SORCS2: variants seen among roughly 807,000 people sequenced by gnomAD.
SORCS2 encodes sortilin related VPS10 domain containing receptor 2, also known as VPS10 domain-containing receptor SorCS2.
A neutral mutation model predicts 141.6 loss-of-function variants in SORCS2; 100 were observed. That is an observed-to-expected ratio of 0.71 (90% CI 0.60 to 0.83). SORCS2 has a LOEUF of 0.83. SORCS2 is among the 40% of genes least tolerant of loss of function. SORCS2 has a pLI of 0.00. For missense variants in SORCS2, 1,646 were observed against 1,560.2 expected (o/e 1.05, Z -0.93); for synonymous variants, 789 against 676.9 (o/e 1.17, Z -2.57).
At chr4:7,423,389 C>G (rs1726218404) in intron 2 of SORCS2, among the ~76,000 whole-genome samples, 1 of 152,186 alleles carries the variant, frequency 6.6e-6, no homozygotes, top group Non-Finnish European at 1.5e-5. Context: ...GTGCCTAGAG[C>G]TCTCCTGTGG....
chr4:7,253,066 C>A (rs1404399304), intron 1 of SORCS2, among the ~76,000 whole-genome samples: 1 of 152,262 alleles, frequency 6.6e-6, no homozygotes, highest in Non-Finnish European at 1.5e-5. Flanking sequence ...TGGGCTCAGC[C>A]CCCCATGGCT....
At chr4:7,679,933 G>C (rs1299808942) in intron 9 of SORCS2, among the ~76,000 whole-genome samples, 1 of 152,110 alleles carries the variant, frequency 6.6e-6, no homozygotes, top group Non-Finnish European at 1.5e-5. Context: ...ACCCAGCTGG[G>C]ATATAAAATG....
At chr4:7,458,830 C>T (rs1402518248) in intron 2 of SORCS2, among the ~76,000 whole-genome samples, 1 of 152,072 alleles carries the variant, frequency 6.6e-6, no homozygotes, top group Non-Finnish European at 1.5e-5. Flanking sequence ...GGGGAGTCTT[C>T]TTGGTGGAGG....
intron 7 of SORCS2, among the ~76,000 whole-genome samples, chr4:7,665,186 C>G (rs916103103): frequency 1.3e-5 from 2 of 152,200 alleles, no homozygotes; most frequent in Admixed American, 6.5e-5. Flanking sequence ...CCCAGAAGGG[C>G]CTCCGTGCTT....
intron 2 of SORCS2, among the ~76,000 whole-genome samples, chr4:7,528,109 G>T (rs564025373): frequency 1.8e-4 from 18 of 100,658 alleles, no homozygotes; most frequent in African/African-American, 5.9e-4. Context: ...GCAGGGCACA[G>T]TGTCCACGCT....
At chr4:7,686,616 C>G (rs1485332901) in intron 10 of SORCS2, among the ~76,000 whole-genome samples, 7 of 152,234 alleles carry the variant, frequency 4.6e-5, no homozygotes, top group Non-Finnish European at 8.8e-5. Flanking sequence ...TCAGAGGAAG[C>G]CCTGTCTCTG....
chr4:7,318,941 T>G lies in SORCS2; in HGVS notation c.481-77347T>G, dbSNP rs1277342565. The stretch of plus-strand genomic sequence containing the variant: ...ACTACCGATCTGGTTTTGGTCTGTA[T>G]AGTTTTGCCTTTTCCAGGACGCCAG... On this transcript the variant is annotated intron_variant, in intron 1 of 26. Coordinates refer to ENST00000507866, the MANE Select transcript of SORCS2 (RefSeq NM_020777.3). Among the ~76,000 whole-genome samples the G allele has an allele frequency of 2.0e-5, 3 of 152,198 alleles. No individual in the cohort carries two copies. In the East Asian group the frequency reaches 5.8e-4, roughly 29 times the overall value.
At chr4:7,582,259 C>T (rs1228423753) in intron 3 of SORCS2, among the ~76,000 whole-genome samples, 1 of 152,174 alleles carries the variant, frequency 6.6e-6, no homozygotes, top group African/African-American at 2.4e-5. Flanking sequence ...ACAATAGGGG[C>T]AAAGATGGTT....
intron 2 of SORCS2, among the ~76,000 whole-genome samples, chr4:7,410,207 C>T (rs772840110): frequency 3.9e-5 from 6 of 152,238 alleles, no homozygotes; most frequent in Non-Finnish European, 7.3e-5. Flanking sequence ...AAACAAAGAG[C>T]TGTCATGCTG....
chr4:7,536,076 G>A (rs73797024), intron 3 of SORCS2, among the ~76,000 whole-genome samples: 2,018 of 152,320 alleles, frequency 0.013, 37 homozygotes, highest in African/African-American at 0.046. Flanking sequence ...GACGGGCCAC[G>A]TGCTGAGTGG....
intron 3 of SORCS2, among the ~76,000 whole-genome samples, chr4:7,535,799 G>A (rs1712071911): frequency 6.8e-6 from 1 of 147,916 alleles, no homozygotes; most frequent in African/African-American, 2.6e-5. Flanking sequence ...GGCCTCACCT[G>A]GTGGCTGTGC....
At position 7,350,857 on chromosome 4, in the gene SORCS2, C is replaced by G. The variant is rs538089915; in HGVS notation, c.481-45431C>G. Among the ~76,000 whole-genome samples the G allele has an allele frequency of 7.9e-5, 12 of 152,318 alleles. No individual in the cohort carries two copies. In the East Asian group the frequency reaches 1.7e-3, roughly 22 times the overall value. On this transcript the variant is annotated intron_variant, in intron 1 of 26. Transcript: ENST00000507866. ...ACTTTGGAGCACACCAGGGCGGGTC[C>G]CCTTCATCTGTGTCCACTCTTCGTG...
At chr4:7,590,657 C>A (rs1313802876) in intron 3 of SORCS2, among the ~76,000 whole-genome samples, 1 of 152,240 alleles carries the variant, frequency 6.6e-6, no homozygotes, top group African/African-American at 2.4e-5. Context: ...GGCAAGGTCA[C>A]AACGGCTAAT....
At chr4:7,631,664 A>T (rs1413872723) in intron 3 of SORCS2, among the ~76,000 whole-genome samples, 1 of 151,978 alleles carries the variant, frequency 6.6e-6, no homozygotes, top group Non-Finnish European at 1.5e-5. Context: ...CAGAAATCCC[A>T]TGGGGTTCAG....
chr4:7,706,352 T>A (rs368267533), intron 14 of SORCS2, among the ~76,000 whole-genome samples: 1 of 25,478 alleles, frequency 3.9e-5, no homozygotes, highest in East Asian at 3.1e-3. Flanking sequence ...CTGGGCTCCG[T>A]CTGGGCAGGG....
chr4:7,704,336 G>T (rs1725279183), intron 14 of SORCS2, 52 bp downstream of exon 14: 1 of 1,452,380 alleles, frequency 6.9e-7, no homozygotes, highest in Non-Finnish European at 9.4e-7. Context: ...GAGCCATGCT[G>T]GGCCTCCCTG....
chr4:7,323,865 G>A lies in SORCS2; in HGVS notation c.481-72423G>A, dbSNP rs758846354. 4.3e-4 allele frequency among the ~76,000 whole-genome samples: 66 copies of A among 151,902 alleles called. 1 individual carries two copies. The highest frequency in any genetic ancestry group is 7.3e-5 in the African/African-American group (3 of 41,356). ...TCCAAGCCCCTGGAGAGCTGGGCAC[G>A]TCATTCCAGCTTCAGTTATTTGAAG... is the stretch of plus-strand genomic sequence containing the variant. On this transcript the variant is annotated intron_variant, in intron 1 of 26. Coordinates refer to ENST00000507866, the MANE Select transcript of SORCS2 (RefSeq NM_020777.3).
At chr4:7,671,851 T>C (rs1722816642) in intron 8 of SORCS2, among the ~76,000 whole-genome samples, 1 of 151,416 alleles carries the variant, frequency 6.6e-6, no homozygotes, top group Admixed American at 6.6e-5. Context: ...GACATGAATA[T>C]AAGTATCTAA....
At position 7,697,185 on chromosome 4, in the gene SORCS2, T is replaced by C. The variant is rs915743809; in HGVS notation, c.1592-13T>C. On this transcript the variant is annotated splice_polypyrimidine_tract_variant and intron_variant, in intron 11 of 26. Transcript: ENST00000507866. ...ATCCTAAGGGTAGTACTGCCCCTTT[T>C]CTTTTGGACCAGGTAACCTGGGCTC... 18 of 1,569,498 alleles carry C rather than the reference T, an allele frequency of 1.1e-5. No individual in the cohort carries two copies. Among genetic ancestry groups the C allele is most frequent in the East Asian group, 2.3e-5 (1 of 42,752 alleles).
Sources: gnomAD v4.1 joint callset for allele counts (sites outside exome capture counted in the v4.1 genomes callset) on GRCh38, gnomAD v4.1.1 for gene constraint, MANE v1.5 for transcripts, NCBI Gene and HGNC (gene_info 2026-07-23, HGNC 2026-07-21) for gene names.